ADGRD1: variants seen among roughly 807,000 people sequenced by gnomAD.
The protein encoded by ADGRD1 is G-protein coupled receptor 133.
ADGRD1 carries 77 observed loss-of-function variants against 113.4 expected under a neutral mutation model. The ratio of observed to expected loss-of-function variants is 0.68; its 90% CI spans 0.57 to 0.82. The LOEUF is 0.82. Ranked by LOEUF, ADGRD1 falls within the 40% of genes least tolerant of loss-of-function variation. The pLI, the probability that ADGRD1 is intolerant of heterozygous loss-of-function variation, is 0.00. For missense variants in ADGRD1, 1,036 were observed against 1,139.1 expected (o/e 0.91, Z 1.30); for synonymous variants, 474 against 475.0 (o/e 1.00, Z 0.03).
At chr12:131,012,333 G>A (rs1304020749) in intron 12 of ADGRD1, among the ~76,000 whole-genome samples, 3 of 151,264 alleles carry the variant, frequency 2.0e-5, no homozygotes, top group African/African-American at 4.9e-5. Flanking sequence ...TGGACTTTGG[G>A]CTTGGATCAA....
At chr12:131,131,618 T>C in intron 20 of ADGRD1, 107 bp from the exon 21 acceptor site, 1 of 732,514 alleles carries the variant, frequency 1.4e-6, no homozygotes, top group Non-Finnish European at 2.3e-6. Flanking sequence ...CCAGGAGCCC[T>C]GGCTGGGCAG....
At chr12:130,976,428 G>A (rs538844870) in intron 4 of ADGRD1, among the ~76,000 whole-genome samples, 1 of 152,178 alleles carries the variant, frequency 6.6e-6, no homozygotes, top group Non-Finnish European at 1.5e-5. Context: ...GGCAGCAACT[G>A]CAGGTTCCCA....
At chr12:131,028,391 G>A (rs1458762239) in intron 13 of ADGRD1, among the ~76,000 whole-genome samples, 2 of 152,018 alleles carry the variant, frequency 1.3e-5, no homozygotes, top group Non-Finnish European at 2.9e-5. Context: ...CTCTTACACG[G>A]GGTCTTCCCT....
intron 13 of ADGRD1, among the ~76,000 whole-genome samples, chr12:131,029,632 A>AC: frequency 7.6e-6 from 1 of 132,068 alleles, no homozygotes; most frequent in South Asian, 2.4e-4. Flanking sequence ...GACCCGTCGT[A>AC]GGTGACATTC....
chr12:130,964,262 A>G (rs1185191801), intron 2 of ADGRD1, among the ~76,000 whole-genome samples: 2 of 151,468 alleles, frequency 1.3e-5, no homozygotes, highest in Non-Finnish European at 2.9e-5. Flanking sequence ...GTTTTATTTT[A>G]TTACATGTAA....
At chr12:131,125,111 A>C (rs1029560180) in intron 20 of ADGRD1, among the ~76,000 whole-genome samples, 1 of 152,184 alleles carries the variant, frequency 6.6e-6, no homozygotes, top group African/African-American at 2.4e-5. Flanking sequence ...TGCCTAAGCC[A>C]GTCATTGGAT....
In ADGRD1 at chr12:130,984,924, C is replaced by T. The variant is rs1873464577; in HGVS notation, c.491-2171C>T. Among the ~76,000 whole-genome samples, 3 of 150,486 alleles carry T rather than the reference C, an allele frequency of 2.0e-5. No homozygotes were observed. The highest frequency in any genetic ancestry group is 4.3e-4 in the South Asian group (2 of 4,696). On this transcript the variant is annotated intron_variant, in intron 5 of 24. Transcript: ENST00000261654. The surrounding 1 kb of genome is among the most constrained non-coding windows in gnomAD (Gnocchi z 4.1). ...CTCTCTCTCTCACTCTCTCTCTCCT[C>T]TCTTCTCTCTTTCTCTCTTTCTTTC...
rs761349575 is a variant in ADGRD1, at chr12:131,012,847, G to C, written c.1332-1352G>C. Among the ~76,000 whole-genome samples, 168 of 152,316 alleles carry C rather than the reference G, an allele frequency of 1.1e-3. 1 individual carries two copies. Among genetic ancestry groups the C allele is most frequent in the Non-Finnish European group, 1.9e-3 (130 of 68,028 alleles). On this transcript the variant is annotated intron_variant, in intron 12 of 24. Coordinates refer to ENST00000261654, the MANE Select transcript of ADGRD1 (RefSeq NM_198827.5). The stretch of plus-strand genomic sequence containing the variant: ...AGCGCTTTGGATGGTGGACGGGGGA[G>C]GTGCACAGGACCCGGGTGAGGCCCA...
intron 15 of ADGRD1, among the ~76,000 whole-genome samples, chr12:131,097,317 G>A (rs185660767): frequency 1.0e-3 from 153 of 152,284 alleles, no homozygotes; most frequent in Non-Finnish European, 1.9e-3. Flanking sequence ...ACTGTGACCC[G>A]AGGCAGGCCA....
chr12:131,131,624 G>T, intron 20 of ADGRD1, 101 bp from the exon 21 acceptor site: 2 of 764,826 alleles, frequency 2.6e-6, no homozygotes, highest in Non-Finnish European at 4.4e-6. Flanking sequence ...GCCCTGGCTG[G>T]GCAGGGGTAG....
Position 131,057,090 on chromosome 12 carries a change from TAG to T in ADGRD1, c.1474-19705_1474-19704del, listed in dbSNP as rs1158378873. On this transcript the variant is annotated intron_variant, in intron 13 of 24. Coordinates refer to ENST00000261654, the MANE Select transcript of ADGRD1 (RefSeq NM_198827.5). The surrounding 1 kb of genome is among the most constrained non-coding windows in gnomAD (Gnocchi z 4.2). The stretch of plus-strand genomic sequence containing the variant: ...ATGATTAGAGTAACGGGATAAAATT[TAG>T]AGAGATGATTTTGTGGCAACGACTT... Among the ~76,000 whole-genome samples the T allele has an allele frequency of 6.6e-6, 1 of 152,168 alleles. No individual in the cohort carries two copies. Among genetic ancestry groups the T allele is most frequent in the Admixed American group, 6.5e-5 (1 of 15,270 alleles).
intron 15 of ADGRD1, among the ~76,000 whole-genome samples, chr12:131,086,994 C>T (rs1886510124): frequency 6.6e-6 from 1 of 152,206 alleles, no homozygotes; most frequent in Non-Finnish European, 1.5e-5. Context: ...CAGCCTTGAA[C>T]TCCTGGGCTC....
chr12:131,095,593 A>G (rs562758989), intron 15 of ADGRD1, among the ~76,000 whole-genome samples: 6 of 152,150 alleles, frequency 3.9e-5, no homozygotes, highest in African/African-American at 1.4e-4. Flanking sequence ...GACTGGGAAC[A>G]TGGTCAGGGG....
chr12:131,139,347 C>A lies in ADGRD1; in HGVS notation c.*84C>A. 1 of 922,644 alleles carries A rather than the reference C, an allele frequency of 1.1e-6. No individual in the cohort carries two copies. Among genetic ancestry groups the A allele is most frequent in the Non-Finnish European group, 1.7e-6 (1 of 590,214 alleles). The allele number at this position is 922,644 out of a possible 1,614,324, so 57.2% of individuals were successfully genotyped here. A position where few individuals can be genotyped will look rare whatever the true frequency, so the allele number is the denominator to read the frequency against. ...GAAATGCCCCACCTTTGCCCATGGACCCTCTCCTTGCTGCTGTCTGGACAT... is the reference window on the plus strand; with the variant it reads ...GAAATGCCCCACCTTTGCCCATGGAACCTCTCCTTGCTGCTGTCTGGACAT... On this transcript the variant is annotated 3_prime_UTR_variant, in exon 25 of 25. Transcript: ENST00000261654.
intron 9 of ADGRD1, 28 bp downstream of exon 9, chr12:131,000,470 G>A (rs780483801): frequency 6.7e-5 from 106 of 1,579,214 alleles, no homozygotes; most frequent in Non-Finnish European, 9.0e-5. Context: ...GGTCGGTCAT[G>A]GTGGCTCATA....
intron 13 of ADGRD1, chr12:131,028,135 C>G (rs1447938966): frequency 6.6e-6 from 1 of 152,136 alleles, no homozygotes; most frequent in Non-Finnish European, 1.5e-5. Context: ...GGGTGTGGCC[C>G]GTCTTTTCCA....
At chr12:131,136,380 A>G (rs1342510791) in intron 22 of ADGRD1, among the ~76,000 whole-genome samples, 5 of 152,246 alleles carry the variant, frequency 3.3e-5, no homozygotes, top group Non-Finnish European at 7.3e-5. Context: ...GCTTCTGGCC[A>G]GCATCTGTAG....
rs1342299767 is a variant in ADGRD1, at chr12:130,984,804, C to T, written c.491-2291C>T. 6.7e-6 allele frequency among the ~76,000 whole-genome samples: 1 copy of T among 149,860 alleles called. No homozygotes were observed. The highest frequency in any genetic ancestry group is 2.5e-5 in the African/African-American group (1 of 40,730). On this transcript the variant is annotated intron_variant, in intron 5 of 24. Coordinates refer to ENST00000261654, the MANE Select transcript of ADGRD1 (RefSeq NM_198827.5). This position sits in a 1 kb window ranked among gnomAD's most constrained non-coding sequence, Gnocchi z 4.1. Reference sequence around the variant, plus strand: ...CCTCTCTCTTTTCCTTCTTTCCCTCCCTCCCTTCCTCCCTCCCTTCCTTCC... The same window carrying T: ...CCTCTCTCTTTTCCTTCTTTCCCTCTCTCCCTTCCTCCCTCCCTTCCTTCC...
chr12:130,960,794 C>T (rs1214754491), intron 2 of ADGRD1, among the ~76,000 whole-genome samples: 1 of 151,962 alleles, frequency 6.6e-6, no homozygotes, highest in Non-Finnish European at 1.5e-5. Context: ...ACAAAAAAAT[C>T]CCAAACAATA....
Sources: allele counts gnomAD v4.1 joint callset (sites outside exome capture counted in the v4.1 genomes callset), GRCh38; gene constraint gnomAD v4.1.1; non-coding constraint Gnocchi (gnomAD v3.1); transcripts MANE v1.5; gene names NCBI Gene and HGNC (gene_info 2026-07-23, HGNC 2026-07-21).